Variants in FCHSD2 observed in about 807,000 individuals in gnomAD.
The protein encoded by FCHSD2 is FCH and double SH3 domains 2.
In FCHSD2, 38 loss-of-function variants were observed where a neutral mutation model predicts 108.1. The ratio of observed to expected loss-of-function variants is 0.35; its 90% confidence interval spans 0.27 to 0.46. The LOEUF (loss-of-function observed/expected upper bound fraction) is 0.46, where lower values mean the gene tolerates loss of function less well. Ranked by LOEUF, FCHSD2 falls within the 20% of genes least tolerant of loss-of-function variation. FCHSD2 has a pLI of 1.00. For missense variants in FCHSD2, 751 were observed against 897.8 expected (o/e 0.84, Z 2.09); for synonymous variants, 279 against 314.7 (o/e 0.89, Z 1.20).
intron 9 of FCHSD2, among the ~76,000 whole-genome samples, chr11:72,903,142 AATT>A (rs1855560022): frequency 2.0e-5 from 3 of 152,208 alleles, no homozygotes; most frequent in Admixed American, 6.5e-5. Flanking sequence ...GTTACACTCT[AATT>A]ACCATCTTAC....
At chr11:73,123,897 G>A (rs1340176938) in intron 2 of FCHSD2, among the ~76,000 whole-genome samples, 1 of 152,158 alleles carries the variant, frequency 6.6e-6, no homozygotes. Flanking sequence ...TGAGTTACCT[G>A]AAAAGAGATA....
At chr11:72,967,528 G>T (rs1031643705) in intron 8 of FCHSD2, among the ~76,000 whole-genome samples, 12 of 152,192 alleles carry the variant, frequency 7.9e-5, no homozygotes, top group African/African-American at 2.4e-4. Flanking sequence ...GCCACATATT[G>T]TATGATTCCA....
intron 3 of FCHSD2, among the ~76,000 whole-genome samples, chr11:73,065,922 T>C (rs974306624): frequency 2.0e-5 from 3 of 151,990 alleles, no homozygotes; most frequent in Admixed American, 6.6e-5. Context: ...AAAATGGCCA[T>C]ACCACCCAAA....
chr11:73,019,730 C>T (rs369627062), intron 3 of FCHSD2, among the ~76,000 whole-genome samples: 8 of 152,302 alleles, frequency 5.3e-5, no homozygotes, highest in African/African-American at 1.9e-4. Flanking sequence ...GGGGCTATTA[C>T]AGTAAAGGTC....
At position 73,142,182 on chromosome 11, in the gene FCHSD2, G is replaced by A. The variant is rs934636787; in HGVS notation, c.-305C>T. On this transcript the variant is annotated 5_prime_UTR_variant, in exon 1 of 20. Transcript: ENST00000409418. ...GGGGGCGGGGGCCCCAGGAGCAGGG[G>A]CGCGAGGGTCTCAGCCGGCCGGGCG... The A allele has an allele frequency of 3.3e-3, 709 of 216,664 alleles. 5 individuals are homozygous for A. The highest frequency in any genetic ancestry group is 3.1e-3 in the Non-Finnish European group (338 of 109,846). 13.4% of individuals were successfully genotyped at this position (216,664 alleles called of 1,614,324 possible).
At chr11:72,894,575 T>C (rs563050440) in intron 10 of FCHSD2, among the ~76,000 whole-genome samples, 2 of 152,248 alleles carry the variant, frequency 1.3e-5, no homozygotes, top group Non-Finnish European at 2.9e-5. Context: ...AGTATATTAA[T>C]ATATGGTTAA....
intron 2 of FCHSD2, among the ~76,000 whole-genome samples, chr11:73,093,970 G>A (rs1057291818): frequency 6.6e-6 from 1 of 152,048 alleles, no homozygotes; most frequent in African/African-American, 2.4e-5. Flanking sequence ...CAATACTTTG[G>A]AAGGCCGAGT....
At chr11:73,082,906 T>G (rs1262994796) in intron 3 of FCHSD2, among the ~76,000 whole-genome samples, 1 of 152,148 alleles carries the variant, frequency 6.6e-6, no homozygotes, top group East Asian at 1.9e-4. Context: ...ATCAACATAA[T>G]TTTTTCTTGT....
rs187361149 is a variant in FCHSD2, at chr11:72,867,845, T to G, written c.1308+20A>C. 5,409 of 1,602,998 alleles carry G rather than the reference T, an allele frequency of 3.4e-3. 9 individuals carry two copies. The highest frequency in any genetic ancestry group is 4.2e-3 in the Non-Finnish European group (4,899 of 1,173,482). ...CTTCAGTGAAAATCAACTTGTCATA[T>G]CCAAGAAAAGAAATCGTACCGAGTG... On this transcript the variant is annotated intron_variant, in intron 13 of 19. Transcript: ENST00000409418.
chr11:73,133,499 C>T (rs896481581), intron 2 of FCHSD2, among the ~76,000 whole-genome samples: 27 of 152,210 alleles, frequency 1.8e-4, no homozygotes, highest in African/African-American at 5.5e-4. Flanking sequence ...CCAGGCTGGG[C>T]GCAGTGGCTC....
intron 11 of FCHSD2, among the ~76,000 whole-genome samples, chr11:72,888,236 G>T (rs1469556863): frequency 3.9e-5 from 6 of 152,224 alleles, no homozygotes; most frequent in African/African-American, 1.4e-4. Flanking sequence ...CCAGGACAAT[G>T]TTGAATCGTG....
intron 9 of FCHSD2, among the ~76,000 whole-genome samples, chr11:72,920,320 A>C (rs982924794): frequency 1.3e-5 from 2 of 152,230 alleles, no homozygotes; most frequent in South Asian, 2.1e-4. Flanking sequence ...AAATCTGATA[A>C]ATGAAATGGA....
intron 12 of FCHSD2, among the ~76,000 whole-genome samples, chr11:72,881,140 A>G (rs1855078190): frequency 6.6e-6 from 1 of 152,216 alleles, no homozygotes; most frequent in African/African-American, 2.4e-5. Flanking sequence ...ACAAGGGACT[A>G]ATATACGGAA....
At chr11:73,047,511 A>G (rs1446935521) in intron 3 of FCHSD2, among the ~76,000 whole-genome samples, 2 of 152,228 alleles carry the variant, frequency 1.3e-5, no homozygotes, top group African/African-American at 2.4e-5. Context: ...GATAGAACAA[A>G]AAATACTGGT....
chr11:73,035,108 T>C (rs377239317), intron 3 of FCHSD2, among the ~76,000 whole-genome samples: 25 of 152,340 alleles, frequency 1.6e-4, no homozygotes, highest in African/African-American at 5.1e-4. Flanking sequence ...GTTTAACTCC[T>C]GGACCTTGAC....
At chr11:73,096,459 G>A (rs918232413) in intron 2 of FCHSD2, among the ~76,000 whole-genome samples, 2 of 151,846 alleles carry the variant, frequency 1.3e-5, no homozygotes, top group African/African-American at 2.4e-5. Context: ...GCTGAGGCAG[G>A]AGAATCACCT....
intron 10 of FCHSD2, among the ~76,000 whole-genome samples, chr11:72,894,455 CA>C (rs1364448809): frequency 3.9e-5 from 6 of 152,186 alleles, no homozygotes; most frequent in Admixed American, 1.3e-4. Context: ...CCCAAGAGAT[CA>C]AGGCTGCCAG....
intron 9 of FCHSD2, among the ~76,000 whole-genome samples, chr11:72,918,532 A>G (rs1855919646): frequency 6.6e-6 from 1 of 152,138 alleles, no homozygotes; most frequent in African/African-American, 2.4e-5. Flanking sequence ...CATGTTATGT[A>G]AGTTCCCTTC....
At chr11:73,081,035 A>C (rs1486547123) in intron 3 of FCHSD2, among the ~76,000 whole-genome samples, 1 of 152,218 alleles carries the variant, frequency 6.6e-6, no homozygotes, top group African/African-American at 2.4e-5. Context: ...ATCCACTTTT[A>C]ATCTTTGTGG....
Sources: gnomAD v4.1 joint callset for allele counts (sites outside exome capture counted in the v4.1 genomes callset) on GRCh38, gnomAD v4.1.1 for gene constraint, MANE v1.5 for transcripts, NCBI Gene and HGNC (gene_info 2026-07-23, HGNC 2026-07-21) for gene names.